Variants in CTTN observed in about 807,000 individuals in gnomAD.
CTTN encodes cortactin, also known as src substrate cortactin.
CTTN carries 28 observed loss-of-function variants against 84.0 expected under a neutral mutation model. The ratio of observed to expected loss-of-function variants is 0.33; its 90% CI spans 0.25 to 0.46. The LOEUF (loss-of-function observed/expected upper bound fraction) is 0.46. Ranked by LOEUF, CTTN falls within the 20% of genes least tolerant of loss-of-function variation. The pLI is 1.00. For missense variants in CTTN, 641 were observed against 723.8 expected (o/e 0.89, Z 1.31); for synonymous variants, 301 against 288.8 (o/e 1.04, Z -0.43).
At chr11:70,418,732 G>C (rs566306355) in intron 8 of CTTN, among the ~76,000 whole-genome samples, 2 of 152,010 alleles carry the variant, frequency 1.3e-5, no homozygotes, top group Admixed American at 1.3e-4. Context: ...GCTAGCTTCT[G>C]GATGCAATGG....
intron 4 of CTTN, chr11:70,407,917 A>G (rs751326818): frequency 2.8e-5 from 8 of 287,084 alleles, no homozygotes; most frequent in Admixed American, 1.9e-4. Context: ...CCTAAGCTCT[A>G]CCTTACAAGC....
intron 15 of CTTN, among the ~76,000 whole-genome samples, chr11:70,432,544 C>T (rs185468387): frequency 9.8e-5 from 15 of 152,324 alleles, no homozygotes; most frequent in East Asian, 7.7e-4. Flanking sequence ...GCTGGGGCTC[C>T]GAAGCGGCAG....
At chr11:70,404,928 G>A (rs543522938) in intron 1 of CTTN, among the ~76,000 whole-genome samples, 29 of 152,344 alleles carry the variant, frequency 1.9e-4, no homozygotes, top group African/African-American at 6.3e-4. Flanking sequence ...CTTGAACCCG[G>A]GAGGTGGAGT....
intron 12 of CTTN, 85 bp downstream of exon 12, chr11:70,423,080 C>CCCCA: frequency 6.6e-7 from 1 of 1,507,462 alleles, no homozygotes; most frequent in Non-Finnish European, 9.2e-7. Flanking sequence ...CCAACATCCA[C>CCCCA]GCGCTGGGGT....
chr11:70,417,229 G>A (rs1293348209), intron 8 of CTTN, 106 bp downstream of exon 8: 5 of 884,312 alleles, frequency 5.7e-6, no homozygotes, highest in Non-Finnish European at 9.3e-6. Flanking sequence ...AACTGAAAAT[G>A]TTTGGTGTTC....
chr11:70,401,182 A>G (rs1004743466), intron 1 of CTTN, among the ~76,000 whole-genome samples: 1 of 152,110 alleles, frequency 6.6e-6, no homozygotes, highest in Admixed American at 6.6e-5. Flanking sequence ...TTAAAAATAG[A>G]AAAATTGGCC....
intron 4 of CTTN, among the ~76,000 whole-genome samples, chr11:70,409,475 C>T (rs982747089): frequency 6.6e-6 from 1 of 152,154 alleles, no homozygotes; most frequent in Non-Finnish European, 1.5e-5. Flanking sequence ...CTCGTGTTTC[C>T]CCCTCTACCT....
chr11:70,429,115 G>C lies in CTTN; in HGVS notation c.1092G>C (p.Glu364Asp). 6.2e-7 allele frequency: 1 copy of C among 1,614,208 alleles called. No homozygotes were observed. Among genetic ancestry groups the C allele is most frequent in the Non-Finnish European group, 8.5e-7 (1 of 1,180,052 alleles). ...ACCTCGCTAAGGAGAAAGAGCAGGA[G>C]GACAGGCGGAAGGCGGAGGCGGAGA... is the stretch of plus-strand genomic sequence containing the variant. ...FENLAKEKEQ[E>D]DRRKAEAERA... is the part of the protein sequence containing the mutation. The change falls in exon 14 of 18, where the codon GAG becomes GAC. Residue 364 changes from glutamate to aspartate, a missense_variant. Glu to Asp is a conservative substitution (Grantham distance 45, BLOSUM62 2). Coordinates refer to ENST00000301843, the MANE Select transcript of CTTN (RefSeq NM_005231.4).
At chr11:70,420,078 T>C (rs2058213002) in intron 9 of CTTN, 2 of 601,026 alleles carry the variant, frequency 3.3e-6, no homozygotes, top group African/African-American at 1.9e-5. Context: ...GCGTTGCTTA[T>C]CGTGGTGGCC....
intron 10 of CTTN, among the ~76,000 whole-genome samples, chr11:70,420,757 C>G (rs147332063): frequency 2.1e-3 from 318 of 152,236 alleles, no homozygotes; most frequent in African/African-American, 6.0e-3. Context: ...TTGCACGGGC[C>G]AAGCCTGCAG....
chr11:70,425,259 C>A, intron 12 of CTTN, 73 bp from the exon 13 acceptor site: 1 of 1,213,068 alleles, frequency 8.2e-7, no homozygotes, highest in Non-Finnish European at 1.2e-6. Context: ...GCATTTGCAT[C>A]TGGCAGGAGC....
At chr11:70,410,815 C>T (rs1414921383) in intron 5 of CTTN, among the ~76,000 whole-genome samples, 4 of 152,158 alleles carry the variant, frequency 2.6e-5, no homozygotes, top group Non-Finnish European at 5.9e-5. Context: ...GTGTCGGATT[C>T]CAGCCGGTAA....
At position 70,413,675 on chromosome 11, in the gene CTTN, G is replaced by A. The variant is rs530366207; in HGVS notation, c.292-867G>A. On this transcript the variant is annotated intron_variant, in intron 5 of 17. Transcript: ENST00000301843. ...CCTGTGTGCGCTGATGGGGGCTGAC[G>A]ACATTAATGATGCTGAAATGAGCTG... Among the ~76,000 whole-genome samples, 36 of 152,304 alleles carry A rather than the reference G, an allele frequency of 2.4e-4. No individual in the cohort carries two copies. The South Asian group carries it at 6.8e-3, about 29-fold the overall frequency.
In CTTN at chr11:70,421,551, A is replaced by G; in HGVS notation, c.872A>G (p.Glu291Gly). The G allele has an allele frequency of 1.2e-6, 2 of 1,614,082 alleles. No homozygotes were observed. The highest frequency in any genetic ancestry group is 8.5e-7 in the Non-Finnish European group (1 of 1,179,986). ...DSAAVGFDYK[E>G]KLAKHESQQD... The stretch of plus-strand genomic sequence containing the variant: ...GCTGCTGTGGGGTTTGATTACAAGG[A>G]GAAGCTGGCCAAGCACGAGTCCCAG... The change falls in exon 11 of 18, where the codon GAG becomes GGG. Residue 291 changes from glutamate to glycine, a missense_variant. Transcript: ENST00000301843.
At chr11:70,418,763 C>T (rs558408000) in intron 8 of CTTN, among the ~76,000 whole-genome samples, 1 of 151,856 alleles carries the variant, frequency 6.6e-6, no homozygotes, top group East Asian at 1.9e-4. Context: ...AGGAATTCAT[C>T]TGCTGTACTT....
intron 1 of CTTN, among the ~76,000 whole-genome samples, chr11:70,401,254 A>G (rs1591426838): frequency 6.6e-6 from 1 of 151,642 alleles, no homozygotes; most frequent in Non-Finnish European, 1.5e-5. Context: ...GCAGATCACG[A>G]GGTCAGGAGA....
chr11:70,420,061 C>T (rs2058212661), intron 9 of CTTN: 6 of 605,902 alleles, frequency 9.9e-6, no homozygotes, highest in Non-Finnish European at 1.7e-5. Flanking sequence ...GCGCTCCAGC[C>T]CCAGCGGCGT....
Position 70,433,635 on chromosome 11 carries a change from G to A in CTTN, c.1445-12G>A, listed in dbSNP as rs2058380534. 1.9e-6 allele frequency: 3 copies of A among 1,599,032 alleles called. No homozygotes were observed. Among genetic ancestry groups the A allele is most frequent in the Non-Finnish European group, 1.7e-6 (2 of 1,166,548 alleles). On this transcript the variant is annotated splice_polypyrimidine_tract_variant and intron_variant, in intron 16 of 17. Coordinates refer to ENST00000301843, the MANE Select transcript of CTTN (RefSeq NM_005231.4). ...CTTTGTATTGTTCAGCTCTGTCATG[G>A]CTTTCTTTTAGAGGACAGCACCTAC...
At chr11:70,411,957 T>C (rs1441770291) in intron 5 of CTTN, among the ~76,000 whole-genome samples, 1 of 152,080 alleles carries the variant, frequency 6.6e-6, no homozygotes, top group Non-Finnish European at 1.5e-5. Context: ...AGGCCAGTGC[T>C]CTCATGGAAC....
Sources: allele counts gnomAD v4.1 joint callset (sites outside exome capture counted in the v4.1 genomes callset), GRCh38; gene constraint gnomAD v4.1.1; transcripts MANE v1.5; gene names NCBI Gene and HGNC (gene_info 2026-07-23, HGNC 2026-07-21).